OMA1: variants seen among roughly 807,000 people sequenced by gnomAD.
OMA1 encodes the protein OMA1 zinc metallopeptidase.
Under a neutral mutation model 30.9 loss-of-function variants are expected in OMA1, and 38 were observed. That is an observed-to-expected ratio of 1.23 (90% CI 0.95 to 1.61). The LOEUF (loss-of-function observed/expected upper bound fraction) is 1.61, where lower values mean the gene tolerates loss of function less well. Ranked by LOEUF, OMA1 falls within the 40% of genes most tolerant of loss-of-function variation. OMA1 has a pLI of 0.00. For synonymous variants in OMA1, 173 were observed against 121.9 expected, an observed-to-expected ratio of 1.42 and a Z score of -2.76; for missense variants, 461 against 349.2, an observed-to-expected ratio of 1.32 and a Z score of -2.55.
intron 7 of OMA1, among the ~76,000 whole-genome samples, chr1:58,523,885 C>T (rs1192719697): frequency 6.6e-6 from 1 of 151,894 alleles, no homozygotes; most frequent in Non-Finnish European, 1.5e-5. Flanking sequence ...GGTGACAGAG[C>T]GAGACTCCAT....
intron 5 of OMA1, among the ~76,000 whole-genome samples, chr1:58,532,629 G>A (rs1425501718): frequency 1.3e-5 from 2 of 152,128 alleles, no homozygotes; most frequent in Non-Finnish European, 2.9e-5. Context: ...CCAGGCTCAA[G>A]CAATCCTCCT....
At chr1:58,514,211 T>C (rs1295330102) in intron 7 of OMA1, among the ~76,000 whole-genome samples, 2 of 152,186 alleles carry the variant, frequency 1.3e-5, no homozygotes, top group Non-Finnish European at 2.9e-5. Flanking sequence ...TAAATGTATA[T>C]GAATATGCAT....
intron 2 of OMA1, among the ~76,000 whole-genome samples, chr1:58,537,417 G>A (rs537291343): frequency 7.9e-5 from 12 of 152,262 alleles, no homozygotes; most frequent in Middle Eastern, 3.4e-3. Flanking sequence ...CTCAGTAGCA[G>A]AAACTCCACT....
intron 8 of OMA1, among the ~76,000 whole-genome samples, chr1:58,502,815 TAG>T (rs1244333190): frequency 6.6e-6 from 1 of 152,222 alleles, no homozygotes; most frequent in Non-Finnish European, 1.5e-5. Context: ...AATATTGCAA[TAG>T]AGTTTTATTA....
chr1:58,509,424 A>G (rs897098398), intron 7 of OMA1, among the ~76,000 whole-genome samples: 2 of 151,514 alleles, frequency 1.3e-5, no homozygotes, highest in Non-Finnish European at 2.9e-5. Flanking sequence ...AAAAAAAACC[A>G]AAAAGAAAAT....
chr1:58,502,069 T>A (rs1190854764), intron 8 of OMA1, among the ~76,000 whole-genome samples: 2 of 152,206 alleles, frequency 1.3e-5, no homozygotes, highest in Non-Finnish European at 2.9e-5. Flanking sequence ...TAAATACTTG[T>A]TGAATGCATA....
rs1164885993 is a variant in OMA1, at chr1:58,480,879, A to C, written c.*86T>G. 1 of 684,996 alleles carries C rather than the reference A, an allele frequency of 1.5e-6. No homozygotes were observed. Among genetic ancestry groups the C allele is most frequent in the Non-Finnish European group, 2.4e-6 (1 of 410,446 alleles). 42.4% of individuals were successfully genotyped at this position (684,996 alleles called of 1,614,324 possible). A position where few individuals can be genotyped will look rare whatever the true frequency, so the allele number is the denominator to read the frequency against. ...GACCCTGAATATCCTTTTTTTTTTC[A>C]CTTCAAACATCATTTTTTAAAAAGT... On this transcript the variant is annotated 3_prime_UTR_variant, in exon 9 of 9. Transcript: ENST00000371226.
chr1:58,541,629 AAAAAAAAAAAAACCAAAAACAAAAAAC>A (rs1557461111), intron 1 of OMA1: 1 of 146,510 alleles, frequency 6.8e-6, no homozygotes, highest in Non-Finnish European at 1.5e-5. Flanking sequence ...AAAAAAAAAA[AAAAAAAAAAAAACCAAAAACAAAAAAC>A]AAAAAAACCC....
At chr1:58,497,256 A>T (rs115378697) in intron 8 of OMA1, among the ~76,000 whole-genome samples, 488 of 152,298 alleles carry the variant, frequency 3.2e-3, no homozygotes, top group African/African-American at 0.011. Context: ...GTACTGTCCT[A>T]AAGTCAAAAG....
chr1:58,513,388 T>C (rs1040649941), intron 7 of OMA1, among the ~76,000 whole-genome samples: 24 of 152,262 alleles, frequency 1.6e-4, no homozygotes, highest in Non-Finnish European at 2.2e-4. Context: ...TACAGCACTG[T>C]GAAAATGGAC....
chr1:58,512,431 T>G (rs1396469697), intron 7 of OMA1, among the ~76,000 whole-genome samples: 1 of 152,212 alleles, frequency 6.6e-6, no homozygotes, highest in Non-Finnish European at 1.5e-5. Context: ...AATCAGGATC[T>G]CAAAGGGATT....
chr1:58,518,145 C>T (rs1452658299), intron 7 of OMA1, among the ~76,000 whole-genome samples: 1 of 144,318 alleles, frequency 6.9e-6, no homozygotes, highest in East Asian at 2.1e-4. Context: ...GAGATCGCGC[C>T]ATTGCACTCC....
rs774059063 is a variant in OMA1 at position 58,527,354 on chromosome 1, A to G, written c.1141-19T>C. On this transcript the variant is annotated intron_variant, in intron 6 of 8. Transcript: ENST00000371226. ...ACATATACTAAGAAGAAATGACAGA[A>G]AAGCTCCATTAAGACAATTTATTTC... 3.5e-6 allele frequency: 3 copies of G among 869,436 alleles called. No individual in the cohort carries two copies. Among genetic ancestry groups the G allele is most frequent in the Non-Finnish European group, 6.0e-6 (3 of 499,510 alleles). 53.9% of individuals were successfully genotyped at this position (869,436 alleles called of 1,614,324 possible).
At chr1:58,506,814 A>G (rs1001788748) in intron 7 of OMA1, among the ~76,000 whole-genome samples, 2 of 152,112 alleles carry the variant, frequency 1.3e-5, no homozygotes, top group Non-Finnish European at 2.9e-5. Context: ...AATTTACCCA[A>G]TTTTCTCAAT....
chr1:58,488,394 T>C (rs960950476), intron 8 of OMA1, among the ~76,000 whole-genome samples: 6 of 152,206 alleles, frequency 3.9e-5, no homozygotes, highest in African/African-American at 1.4e-4. Context: ...AGTTCTTAAA[T>C]GGTGACTTCT....
At chr1:58,494,123 A>G (rs1222497890) in intron 8 of OMA1, among the ~76,000 whole-genome samples, 5 of 152,344 alleles carry the variant, frequency 3.3e-5, no homozygotes, top group African/African-American at 1.2e-4. Flanking sequence ...ACATGTCTAC[A>G]ACTATCTGAT....
intron 1 of OMA1, among the ~76,000 whole-genome samples, chr1:58,542,833 G>C (rs1646642586): frequency 6.6e-6 from 1 of 152,148 alleles, no homozygotes; most frequent in African/African-American, 2.4e-5. Flanking sequence ...CCTACCATTA[G>C]CTACAGAGCT....
rs191935173 is a variant in OMA1, at chr1:58,503,302, C to A, written c.1365+2758G>T. 8.9e-4 allele frequency among the ~76,000 whole-genome samples: 136 copies of A among 152,246 alleles called. No homozygotes were observed. In the Middle Eastern group the frequency reaches 0.02, roughly 23 times the overall value. On this transcript the variant is annotated intron_variant, in intron 8 of 8. Transcript: ENST00000371226. ...AGGGGCCTTGGATAGCACAAAGGAC[C>A]CTCTTATAGTCAGTGATCCTCAGTA...
intron 3 of OMA1, 38 bp from the exon 4 acceptor site, chr1:58,534,369 A>C (rs764722422): frequency 1.3e-6 from 1 of 797,988 alleles, no homozygotes; most frequent in Non-Finnish European, 2.1e-6. Flanking sequence ...TTAAAAGAGC[A>C]CTACAAAATG....
Sources: allele counts gnomAD v4.1 joint callset (sites outside exome capture counted in the v4.1 genomes callset), GRCh38; gene constraint gnomAD v4.1.1; transcripts MANE v1.5; gene names NCBI Gene and HGNC (gene_info 2026-07-23, HGNC 2026-07-21).